MDGA2: variants seen among roughly 807,000 people sequenced by gnomAD.
MDGA2 encodes the protein MAM domain containing glycosylphosphatidylinositol anchor 2, also known as MAM domain-containing glycosylphosphatidylinositol anchor protein 2.
In MDGA2, 40 loss-of-function variants were observed where a neutral mutation model predicts 117.8. That is an observed-to-expected ratio of 0.34 (90% CI 0.26 to 0.44). MDGA2 has a LOEUF of 0.44. Among genes scored for constraint, MDGA2 ranks in the 20% least tolerant of loss-of-function variants. MDGA2 has a pLI of 1.00. For synonymous variants in MDGA2, 452 were observed against 439.0 expected (o/e 1.03, Z -0.37); for missense variants, 1,123 against 1,250.6 (o/e 0.90, Z 1.54).
At chr14:46,883,844 C>G (rs996433467) in intron 10 of MDGA2, among the ~76,000 whole-genome samples, 1 of 151,830 alleles carries the variant, frequency 6.6e-6, no homozygotes, top group South Asian at 2.1e-4. Context: ...TTTTTTTATT[C>G]TCCTTAATTC....
intron 5 of MDGA2, among the ~76,000 whole-genome samples, chr14:47,123,601 TA>T (rs1381407770): frequency 6.6e-6 from 1 of 152,028 alleles, no homozygotes; most frequent in Non-Finnish European, 1.5e-5. Flanking sequence ...ATCAATTTCA[TA>T]AAAAATATTT....
intron 1 of MDGA2, among the ~76,000 whole-genome samples, chr14:47,607,740 A>G (rs1023398920): frequency 1.3e-5 from 2 of 152,134 alleles, no homozygotes; most frequent in African/African-American, 4.8e-5. Context: ...TGTAGGCCAG[A>G]GGGGATATGG....
chr14:47,378,491 A>T lies in MDGA2; in HGVS notation c.281-76941T>A, dbSNP rs148638035. On this transcript the variant is annotated intron_variant, in intron 1 of 16. Coordinates refer to ENST00000399232, the MANE Select transcript of MDGA2 (RefSeq NM_001113498.3). ...TGAAAAAAGATTAGATGAATGGCTA[A>T]CTAGAATAAACAGTATAGAGAAGAG... Among the ~76,000 whole-genome samples the T allele has an allele frequency of 5.2e-4, 79 of 152,304 alleles. 1 individual carries two copies. The East Asian group carries it at 0.014, about 28-fold the overall frequency.
At chr14:47,148,071 A>C (rs1224888514) in intron 3 of MDGA2, among the ~76,000 whole-genome samples, 2 of 152,170 alleles carry the variant, frequency 1.3e-5, no homozygotes, top group African/African-American at 4.8e-5. Flanking sequence ...ATGTAACAAC[A>C]GTCCTACCAA....
At chr14:47,581,924 G>A (rs1472920861) in intron 1 of MDGA2, among the ~76,000 whole-genome samples, 2 of 151,800 alleles carry the variant, frequency 1.3e-5, no homozygotes, top group Non-Finnish European at 2.9e-5. Context: ...ATTCATTATT[G>A]TAGGTAAAGA....
chr14:47,572,546 T>C (rs778219806), intron 1 of MDGA2, among the ~76,000 whole-genome samples: 1 of 152,172 alleles, frequency 6.6e-6, no homozygotes, highest in Non-Finnish European at 1.5e-5. Flanking sequence ...TGGTATCCCC[T>C]AGGTCAATAC....
At chr14:47,631,954 G>A (rs983568169) in intron 1 of MDGA2, among the ~76,000 whole-genome samples, 2 of 148,606 alleles carry the variant, frequency 1.3e-5, no homozygotes, top group African/African-American at 5.0e-5. Flanking sequence ...TAGCTCATCC[G>A]CTATTGTTAG....
chr14:47,572,895 C>T (rs958817794), intron 1 of MDGA2, among the ~76,000 whole-genome samples: 18 of 152,090 alleles, frequency 1.2e-4, no homozygotes, highest in Non-Finnish European at 8.8e-5. Context: ...CAAATTTACC[C>T]GACTTTGATT....
chr14:46,871,562 A>C (rs1881999425), intron 14 of MDGA2: 1 of 152,368 alleles, frequency 6.6e-6, no homozygotes, highest in African/African-American at 2.4e-5. Flanking sequence ...CATGATGAGT[A>C]CTCCATAAAT....
intron 9 of MDGA2, among the ~76,000 whole-genome samples, chr14:46,934,544 G>T (rs1350501450): frequency 6.6e-6 from 1 of 152,036 alleles, no homozygotes; most frequent in Non-Finnish European, 1.5e-5. Flanking sequence ...GTCCTTGTCT[G>T]GTCTGCAAAT....
chr14:47,383,626 C>T (rs1017891156), intron 1 of MDGA2, among the ~76,000 whole-genome samples: 1 of 152,100 alleles, frequency 6.6e-6, no homozygotes, highest in Admixed American at 6.6e-5. Context: ...GCAACCTCCA[C>T]TTCCTGGGTT....
chr14:47,056,251 C>T (rs1341038782), intron 7 of MDGA2, among the ~76,000 whole-genome samples: 1 of 152,036 alleles, frequency 6.6e-6, no homozygotes, highest in Non-Finnish European at 1.5e-5. Flanking sequence ...GTTAACTATT[C>T]TTCTTTCTTG....
At chr14:46,850,784 A>G (rs941175655) in intron 15 of MDGA2, among the ~76,000 whole-genome samples, 1 of 151,826 alleles carries the variant, frequency 6.6e-6, no homozygotes, top group Non-Finnish European at 1.5e-5. Flanking sequence ...TTGTGGGACA[A>G]ATGTCAATTA....
intron 8 of MDGA2, among the ~76,000 whole-genome samples, chr14:46,986,184 CAACAT>C (rs1886853124): frequency 6.6e-6 from 1 of 152,026 alleles, no homozygotes. Flanking sequence ...GGCACAGACA[CAACAT>C]AACAGATGGC....
chr14:47,188,004 TA>T (rs1027319150), intron 3 of MDGA2, among the ~76,000 whole-genome samples: 18 of 152,006 alleles, frequency 1.2e-4, no homozygotes, highest in African/African-American at 4.3e-4. Context: ...GTAGTAAAAA[TA>T]TGAATGTAAA....
chr14:47,302,730 T>C (rs1889323417), intron 1 of MDGA2, among the ~76,000 whole-genome samples: 1 of 152,174 alleles, frequency 6.6e-6, no homozygotes, highest in Admixed American at 6.6e-5. Flanking sequence ...AAAAGCTGTG[T>C]TCTGAAAGTA....
intron 1 of MDGA2, among the ~76,000 whole-genome samples, chr14:47,310,474 C>A (rs112947364): frequency 4.1e-4 from 62 of 152,184 alleles, no homozygotes; most frequent in African/African-American, 1.4e-3. Flanking sequence ...CATCAAATAT[C>A]TAACTAATCT....
At chr14:47,072,889 A>T (rs1002063303) in intron 6 of MDGA2, among the ~76,000 whole-genome samples, 3 of 152,224 alleles carry the variant, frequency 2.0e-5, no homozygotes, top group African/African-American at 7.2e-5. Context: ...ACTTTGCAGG[A>T]TCTTCAAAAG....
chr14:47,585,165 G>C (rs1209105533), intron 1 of MDGA2, among the ~76,000 whole-genome samples: 1 of 151,754 alleles, frequency 6.6e-6, no homozygotes, highest in African/African-American at 2.4e-5. Context: ...TAGGTAATTT[G>C]GCACTAAATG....
Sources: gnomAD v4.1 joint callset for allele counts (sites outside exome capture counted in the v4.1 genomes callset) on GRCh38, gnomAD v4.1.1 for gene constraint, MANE v1.5 for transcripts, NCBI Gene and HGNC (gene_info 2026-07-23, HGNC 2026-07-21) for gene names.